Variants in NPAS3 observed in about 807,000 individuals in gnomAD.
NPAS3 encodes the protein neuronal PAS domain-containing protein 3.
In NPAS3, 14 loss-of-function variants were observed where a neutral mutation model predicts 73.1. The observed-to-expected ratio is 0.19, with a 90% confidence interval of 0.13 to 0.30. The LOEUF (loss-of-function observed/expected upper bound fraction) is 0.30. Ranked by LOEUF, NPAS3 falls within the 10% of genes least tolerant of loss-of-function variation. The pLI is 1.00. For synonymous variants in NPAS3, 620 were observed against 541.5 expected, an observed-to-expected ratio of 1.14 and a Z score of -2.01; for missense variants, 1,096 against 1,250.0, an observed-to-expected ratio of 0.88 and a Z score of 1.86.
intron 6 of NPAS3, among the ~76,000 whole-genome samples, chr14:33,690,970 G>A (rs557521071): frequency 7.3e-5 from 11 of 151,626 alleles, no homozygotes; most frequent in South Asian, 6.3e-4. Flanking sequence ...CCCACAAGAC[G>A]AATGTGCTTT....
intron 5 of NPAS3, among the ~76,000 whole-genome samples, chr14:33,638,863 T>A (rs188980642): frequency 1.3e-5 from 2 of 152,386 alleles, no homozygotes; most frequent in African/African-American, 4.8e-5. Context: ...GTAATGTAAC[T>A]GTCCTAAATC....
intron 2 of NPAS3, among the ~76,000 whole-genome samples, chr14:33,090,538 CAAT>C (rs1452394826): frequency 1.3e-5 from 2 of 152,134 alleles, no homozygotes; most frequent in African/African-American, 4.8e-5. Context: ...GACTCCCACA[CAAT>C]AATAATGGGA....
intron 1 of NPAS3, among the ~76,000 whole-genome samples, chr14:32,995,152 A>G (rs539135743): frequency 2.0e-5 from 3 of 152,328 alleles, no homozygotes; most frequent in African/African-American, 7.2e-5. Context: ...GTTGACCAGA[A>G]TTCTTGATGA....
At chr14:33,558,408 G>A (rs1349127482) in intron 4 of NPAS3, among the ~76,000 whole-genome samples, 2 of 151,960 alleles carry the variant, frequency 1.3e-5, no homozygotes, top group African/African-American at 4.8e-5. Flanking sequence ...TTACAGGTGT[G>A]CCACCACACC....
upstream of NPAS3, among the ~76,000 whole-genome samples, chr14:32,935,504 G>GTTACTACAGGGAAATA (rs1260982974): frequency 2.4e-4 from 37 of 152,180 alleles, no homozygotes; most frequent in Non-Finnish European, 3.2e-4. Flanking sequence ...CATGTCACCT[G>GTTACTACAGGGAAATA]TTACTACAGG....
At chr14:32,938,455 G>T (rs2035772392), upstream of NPAS3, among the ~76,000 whole-genome samples, 1 of 112,266 alleles carries the variant, frequency 8.9e-6, no homozygotes, top group Middle Eastern at 5.0e-3. Context: ...CCCCCAACGA[G>T]AAAGAGAGAG....
intron 5 of NPAS3, among the ~76,000 whole-genome samples, chr14:33,648,616 G>C (rs548075803): frequency 3.3e-5 from 5 of 152,154 alleles, no homozygotes; most frequent in Admixed American, 1.3e-4. Context: ...TACAGGGACA[G>C]CACAAAAAGT....
rs537511928 is a variant in NPAS3 at position 33,692,131 on chromosome 14, C to T, written c.733+15746C>T. 6.6e-5 allele frequency among the ~76,000 whole-genome samples: 10 copies of T among 152,240 alleles called. No individual in the cohort carries two copies. The South Asian group carries it at 1.0e-3, about 16-fold the overall frequency. On this transcript the variant is annotated intron_variant, in intron 6 of 11. Transcript: ENST00000356141. ...GACAATACCTGCAGAATGATGAATGCGTGGGCGGAGGTATGTGAGCGCAGG... is the reference window on the plus strand; with the variant it reads ...GACAATACCTGCAGAATGATGAATGTGTGGGCGGAGGTATGTGAGCGCAGG...
intron 3 of NPAS3, among the ~76,000 whole-genome samples, chr14:33,274,161 C>T (rs2041224863): frequency 6.6e-6 from 1 of 152,192 alleles, no homozygotes; most frequent in South Asian, 2.1e-4. Context: ...GGTTACAGCT[C>T]AGTGTTTGCC....
At chr14:33,112,328 C>T (rs1368672343) in intron 2 of NPAS3, among the ~76,000 whole-genome samples, 1 of 152,106 alleles carries the variant, frequency 6.6e-6, no homozygotes, top group Non-Finnish European at 1.5e-5. Flanking sequence ...CTCTCCAGTA[C>T]CTGTTGTTCC....
intron 4 of NPAS3, among the ~76,000 whole-genome samples, chr14:33,497,558 A>G (rs879890376): frequency 6.6e-6 from 1 of 152,120 alleles, no homozygotes; most frequent in Admixed American, 6.6e-5. Context: ...ATCTACAACC[A>G]TCTGATCTTT....
intron 3 of NPAS3, among the ~76,000 whole-genome samples, chr14:33,303,168 G>A (rs2042621910): frequency 6.6e-6 from 1 of 151,914 alleles, no homozygotes; most frequent in Admixed American, 6.6e-5. Flanking sequence ...AAAATAGTGT[G>A]GTAAAATTTA....
At chr14:33,408,895 G>A (rs139430948) in intron 4 of NPAS3, among the ~76,000 whole-genome samples, 1 of 152,154 alleles carries the variant, frequency 6.6e-6, no homozygotes, top group African/African-American at 2.4e-5. Flanking sequence ...GAGGAAAGTG[G>A]AGTATGTGGA....
intron 4 of NPAS3, among the ~76,000 whole-genome samples, chr14:33,425,369 G>T (rs1052832956): frequency 1.3e-5 from 2 of 152,064 alleles, no homozygotes; most frequent in Admixed American, 1.3e-4. Context: ...AGGAGTTGAT[G>T]AGTTAGTTAC....
At chr14:33,777,696 C>A (rs761375343) in intron 8 of NPAS3, among the ~76,000 whole-genome samples, 1 of 152,180 alleles carries the variant, frequency 6.6e-6, no homozygotes, top group Admixed American at 6.5e-5. Flanking sequence ...GTAAACCAGG[C>A]GGATTCCCCC....
chr14:33,301,990 C>T (rs550544111), intron 3 of NPAS3, among the ~76,000 whole-genome samples: 57 of 152,240 alleles, frequency 3.7e-4, no homozygotes, highest in African/African-American at 1.3e-3. Flanking sequence ...AAGCTGGTGC[C>T]CTCTCCGTGC....
intron 3 of NPAS3, among the ~76,000 whole-genome samples, chr14:33,351,366 T>G (rs2045043671): frequency 6.6e-6 from 1 of 152,194 alleles, no homozygotes; most frequent in Non-Finnish European, 1.5e-5. Flanking sequence ...TCTGTTTGGT[T>G]TCTTCTACTC....
intron 1 of NPAS3, among the ~76,000 whole-genome samples, chr14:33,017,708 C>T (rs2039444961): frequency 6.6e-6 from 1 of 152,136 alleles, no homozygotes; most frequent in Non-Finnish European, 1.5e-5. Flanking sequence ...CTGAACATCT[C>T]TGTGCCTTAG....
intron 5 of NPAS3, among the ~76,000 whole-genome samples, chr14:33,577,405 C>A (rs193062284): frequency 2.2e-4 from 34 of 152,252 alleles, no homozygotes; most frequent in African/African-American, 7.7e-4. Flanking sequence ...CTTTAGCAGC[C>A]AGGTACAGCC....
Sources: allele counts gnomAD v4.1 joint callset (sites outside exome capture counted in the v4.1 genomes callset), GRCh38; gene constraint gnomAD v4.1.1; transcripts MANE v1.5; gene names NCBI Gene and HGNC (gene_info 2026-07-23, HGNC 2026-07-21).